RIT1: variants seen among roughly 807,000 people sequenced by gnomAD.
RIT1 encodes Ras like without CAAX 1, also known as GTP-binding protein Rit1.
RIT1 carries 6 observed loss-of-function variants against 25.6 expected under a neutral mutation model. The ratio of observed to expected loss-of-function variants is 0.23; its 90% CI spans 0.13 to 0.46. The LOEUF is 0.46. Among genes scored for constraint, RIT1 ranks in the 20% least tolerant of loss-of-function variants. The pLI is 0.99. For missense variants in RIT1, 219 were observed against 284.4 expected (o/e 0.77, Z 1.65); for synonymous variants, 81 against 94.1 (o/e 0.86, Z 0.80).
chr1:155,900,277 G>A lies in RIT1; in HGVS notation c.*111C>T. 1 of 737,394 alleles carries A rather than the reference G, an allele frequency of 1.4e-6. No individual in the cohort carries two copies. Among genetic ancestry groups the A allele is most frequent in the South Asian group, 1.7e-5 (1 of 58,314 alleles). The allele number at this position is 737,394 out of a possible 1,614,324, so 45.7% of individuals were successfully genotyped here. On this transcript the variant is annotated 3_prime_UTR_variant, in exon 6 of 6. Coordinates refer to ENST00000368323, the MANE Select transcript of RIT1 (RefSeq NM_006912.6). ...ATCATTAAAAACTCCTAGTAGGCAT[G>A]TCCCTCTTATCAGTTAAGTGAAAGA...
chr1:155,901,001 G>C (rs1673301156), intron 5 of RIT1, among the ~76,000 whole-genome samples: 1 of 152,068 alleles, frequency 6.6e-6, no homozygotes, highest in Non-Finnish European at 1.5e-5. Flanking sequence ...TTTTAGTAGA[G>C]ACGGGGTTTC....
chr1:155,899,553 C>A lies in RIT1; in HGVS notation c.*835G>T, dbSNP rs770719051. 4.4e-6 allele frequency: 1 copy of A among 225,076 alleles called. No homozygotes were observed. The highest frequency in any genetic ancestry group is 8.9e-6 in the Non-Finnish European group (1 of 112,852). The allele number at this position is 225,076 out of a possible 1,614,324, so 13.9% of individuals were successfully genotyped here. A position where few individuals can be genotyped will look rare whatever the true frequency, so the allele number is the denominator to read the frequency against. On this transcript the variant is annotated 3_prime_UTR_variant, in exon 6 of 6. Transcript: ENST00000368323. ...GTGCGTCTGTGGGGAAAAAATAAAC[C>A]TGTACAAGGCAATGGCTGATCCAAC...
Position 155,904,547 on chromosome 1 carries a change from A to G in RIT1, c.238-45T>C, listed in dbSNP as rs749557422. The G allele has an allele frequency of 9.9e-6, 15 of 1,514,236 alleles. No individual in the cohort carries two copies. In the South Asian group the frequency reaches 1.7e-4, roughly 17 times the overall value. The allele number at this position is 1,514,236 out of a possible 1,614,324, so 93.8% of individuals were successfully genotyped here. On this transcript the variant is annotated intron_variant, in intron 4 of 5. Transcript: ENST00000368323. ...ATTATGTATTGACGCAATCTAGCCC[A>G]ACTACACACACAATTAGCTATTTCT...
chr1:155,908,280 CCT>C (rs1167430163), intron 3 of RIT1, among the ~76,000 whole-genome samples: 1 of 151,748 alleles, frequency 6.6e-6, no homozygotes, highest in Admixed American at 6.6e-5. Flanking sequence ...ACAGTGAAAC[CCT>C]GTCTCTACTA....
rs1673387058 is a variant in RIT1, at chr1:155,904,362, A to G, written c.378T>C (p.Asp126=). The G allele has an allele frequency of 6.2e-7, 1 of 1,614,054 alleles. No homozygotes were observed. The highest frequency in any genetic ancestry group is 1.3e-5 in the African/African-American group (1 of 74,930). ...TGTTTCCCACAAGAACCACAGGTGT[A>G]TCGTCAGTACGTCGGACTCGATAAA... is the stretch of plus-strand genomic sequence containing the variant. ...QLIYRVRRTD[D]TPVVLVGNKS... Residue 126 remains aspartate, a synonymous_variant, in exon 5 of 6, where the codon GAT becomes GAC. Transcript: ENST00000368323.
At chr1:155,911,060 A>C in intron 1 of RIT1, 183 bp downstream of exon 1, 4 of 827,078 alleles carry the variant, frequency 4.8e-6, no homozygotes, top group Non-Finnish European at 7.6e-6. Flanking sequence ...ATACAAATAA[A>C]TTTACGTCTC....
chr1:155,907,459 T>G (rs1467325072), intron 3 of RIT1, among the ~76,000 whole-genome samples: 1 of 152,128 alleles, frequency 6.6e-6, no homozygotes, highest in Non-Finnish European at 1.5e-5. Flanking sequence ...GCCAGGCTGG[T>G]CTTGAACTCC....
rs970059488 is a variant in RIT1 at position 155,898,656 on chromosome 1, C to T, written c.*1732G>A. 10 of 186,046 alleles carry T rather than the reference C, an allele frequency of 5.4e-5. No individual in the cohort carries two copies. Among genetic ancestry groups the T allele is most frequent in the African/African-American group, 1.6e-4 (7 of 42,510 alleles). 11.5% of individuals were successfully genotyped at this position (186,046 alleles called of 1,614,324 possible). A position where few individuals can be genotyped will look rare whatever the true frequency, so the allele number is the denominator to read the frequency against. Reference sequence around the variant, plus strand: ...GTAAAACATTCTCATAATAGAATTGCACTGTATTTCTTTTCTACTTTGATG... The same window carrying T: ...GTAAAACATTCTCATAATAGAATTGTACTGTATTTCTTTTCTACTTTGATG... On this transcript the variant is annotated 3_prime_UTR_variant, in exon 6 of 6. Coordinates refer to ENST00000368323, the MANE Select transcript of RIT1 (RefSeq NM_006912.6).
intron 1 of RIT1, 137 bp from the exon 2 acceptor site, chr1:155,910,941 C>T: frequency 6.6e-7 from 1 of 1,516,012 alleles, no homozygotes. Context: ...CACCACTGCA[C>T]CCTTTCGGGT....
At chr1:155,911,200 A>ATTCTCCTCCGAACCCCCTCCCCC (rs1673593684) in intron 1 of RIT1, 43 bp downstream of exon 1, 1 of 254,334 alleles carries the variant, frequency 3.9e-6, no homozygotes, top group African/African-American at 1.0e-4. Flanking sequence ...CCCCCTCCCC[A>ATTCTCCTCCGAACCCCCTCCCCC]CCCCCAGCTG....
Position 155,900,392 on chromosome 1 carries a change from G to A in RIT1, c.656C>T (p.Thr219Ile). The A allele has an allele frequency of 6.2e-7, 1 of 1,611,898 alleles. No homozygotes were observed. Among genetic ancestry groups the A allele is most frequent in the Non-Finnish European group, 8.5e-7 (1 of 1,178,066 alleles). ...SPFRKKKDSVT is the reference protein window; with the variant it reads ...SPFRKKKDSVI ...TAAACACTTCACATCTTCTCTTCAAGTTACTGAATCTTTCTTCTTCCGGAA... is the reference window on the plus strand; with the variant it reads ...TAAACACTTCACATCTTCTCTTCAAATTACTGAATCTTTCTTCTTCCGGAA... The change falls in exon 6 of 6, where the codon ACT (threonine) becomes ATT (isoleucine). Residue 219 changes from threonine (T) to isoleucine (I), a missense_variant. Coordinates refer to ENST00000368323, the MANE Select transcript of RIT1 (RefSeq NM_006912.6).
At position 155,904,381 on chromosome 1, in the gene RIT1, C is replaced by G. The variant is rs753425443; in HGVS notation, c.359G>C (p.Arg120Pro). The change falls in exon 5 of 6, where the codon CGA becomes CCA. Residue 120 changes from arginine to proline, a missense_variant. By Grantham distance (103) the Arg-to-Pro change is moderately radical. Around this residue, in one of 3 missense-constraint regions of RIT1, gnomAD observed 131 missense variants for 173.6 expected, o/e 0.75. Coordinates refer to ENST00000368323, the MANE Select transcript of RIT1 (RefSeq NM_006912.6). ...AGGTGTATCGTCAGTACGTCGGACT[C>G]GATAAATAAGCTGTTTAAACTCACG... The part of the protein sequence containing the change: ...EVREFKQLIY[R>P]VRRTDDTPVV... 1 of 1,613,914 alleles carries G rather than the reference C, an allele frequency of 6.2e-7. No individual in the cohort carries two copies. The highest frequency in any genetic ancestry group is 8.5e-7 in the Non-Finnish European group (1 of 1,179,966).
chr1:155,909,380 A>G (rs1050106111), intron 3 of RIT1, among the ~76,000 whole-genome samples: 4 of 149,984 alleles, frequency 2.7e-5, no homozygotes, highest in Admixed American at 6.7e-5. Context: ...ACCGTCTCCA[A>G]AAAAAAAAAC....
At chr1:155,905,519 G>GA (rs577378408) in intron 3 of RIT1, among the ~76,000 whole-genome samples, 4 of 147,908 alleles carry the variant, frequency 2.7e-5, no homozygotes, top group African/African-American at 7.4e-5. Context: ...TCTCTTAGGG[G>GA]AAAAAAAAAA....
rs1022802335 is a variant in RIT1 at position 155,899,421 on chromosome 1, A to C, written c.*967T>G. On this transcript the variant is annotated 3_prime_UTR_variant, in exon 6 of 6. Transcript: ENST00000368323. ...CCCACACCCCTGATGTCTCTTCTGTATGGAAAATGCAATCAGTGATGAAGG... is the reference window on the plus strand; with the variant it reads ...CCCACACCCCTGATGTCTCTTCTGTCTGGAAAATGCAATCAGTGATGAAGG... 1 of 226,218 alleles carries C rather than the reference A, an allele frequency of 4.4e-6. No homozygotes were observed. The highest frequency in any genetic ancestry group is 5.7e-5 in the Admixed American group (1 of 17,500). 14.0% of individuals were successfully genotyped at this position (226,218 alleles called of 1,614,324 possible).
At chr1:155,901,807 G>A (rs913582437) in intron 5 of RIT1, among the ~76,000 whole-genome samples, 1 of 151,358 alleles carries the variant, frequency 6.6e-6, no homozygotes, top group African/African-American at 2.4e-5. Context: ...GACAGAGCAA[G>A]ACCCTGTCTC....
At chr1:155,903,951 AGTAAGCT>A (rs1263076335) in intron 5 of RIT1, among the ~76,000 whole-genome samples, 1 of 152,200 alleles carries the variant, frequency 6.6e-6, no homozygotes. Context: ...TAGAGGCTGC[AGTAAGCT>A]GTAGCCCCAA....
rs1453940931 is a variant in RIT1, at chr1:155,911,304, C to G, written c.-105G>C. ...TGGGGACTGGAACACCACAGCCGGTCGGGTCACGCACTTCGTCTTCCTTCA... is the reference window on the plus strand; with the variant it reads ...TGGGGACTGGAACACCACAGCCGGTGGGGTCACGCACTTCGTCTTCCTTCA... On this transcript the variant is annotated 5_prime_UTR_variant, in exon 1 of 6. Transcript: ENST00000368323. 2 of 206,122 alleles carry G rather than the reference C, an allele frequency of 9.7e-6. No individual in the cohort carries two copies. The highest frequency in any genetic ancestry group is 2.0e-5 in the Non-Finnish European group (2 of 100,366). The allele number at this position is 206,122 out of a possible 1,614,324, so 12.8% of individuals were successfully genotyped here. A position where few individuals can be genotyped will look rare whatever the true frequency, so the allele number is the denominator to read the frequency against.
chr1:155,902,109 T>C (rs887070249), intron 5 of RIT1, among the ~76,000 whole-genome samples: 12 of 152,160 alleles, frequency 7.9e-5, no homozygotes, highest in African/African-American at 2.7e-4. Flanking sequence ...CAAAAGAGGA[T>C]GTAGCCTCTG....
Sources: allele counts gnomAD v4.1 joint callset (sites outside exome capture counted in the v4.1 genomes callset), GRCh38; gene constraint gnomAD v4.1.1; regional missense constraint gnomAD v4.1.1; transcripts MANE v1.5; gene names NCBI Gene and HGNC (gene_info 2026-07-23, HGNC 2026-07-21).